Variants in MYH3 observed in about 807,000 individuals in gnomAD.
MYH3 encodes the protein myosin-3.
In MYH3, 130 loss-of-function variants were observed where a neutral mutation model predicts 238.0. The ratio of observed to expected loss-of-function variants is 0.55; its 90% CI spans 0.47 to 0.63. MYH3 has a LOEUF of 0.63. Among genes scored for constraint, MYH3 ranks in the 30% least tolerant of loss-of-function variants. The pLI, the probability that MYH3 is intolerant of heterozygous loss-of-function variation, is 0.00. For missense variants in MYH3, 1,853 were observed against 2,374.9 expected, an observed-to-expected ratio of 0.78 and a Z score of 4.57; for synonymous variants, 880 against 924.1, an observed-to-expected ratio of 0.95 and a Z score of 0.86.
At chr17:10,629,398 A>C (rs974639492) in intron 40 of MYH3, among the ~76,000 whole-genome samples, 199 bp downstream of exon 40, 4 of 151,862 alleles carry the variant, frequency 2.6e-5, no homozygotes, top group Non-Finnish European at 4.4e-5. Context: ...CATGGTGTAC[A>C]TGTGCAGGAT....
chr17:10,641,760 C>T (rs914135003), intron 17 of MYH3, among the ~76,000 whole-genome samples: 1 of 152,094 alleles, frequency 6.6e-6, no homozygotes, highest in African/African-American at 2.4e-5. Flanking sequence ...GTGATCTGCC[C>T]ACCTCGGCCT....
Position 10,629,617 on chromosome 17 carries a change from G to C in MYH3, c.5776C>G (p.Arg1926Gly), listed in dbSNP as rs1449422340. The C allele has an allele frequency of 6.2e-7, 1 of 1,613,702 alleles. No homozygotes were observed. The highest frequency in any genetic ancestry group is 8.5e-7 in the Non-Finnish European group (1 of 1,180,050). The change falls in exon 40 of 41, where the codon CGA becomes GGA. Residue 1926 changes from arginine to glycine, a missense_variant. By Grantham distance (125) the Arg-to-Gly change is moderately radical (BLOSUM62 -2). Coordinates refer to ENST00000583535, the MANE Select transcript of MYH3 (RefSeq NM_002470.4). ...SQVNKLRAKT[R>G]DFTSSRMVVH... ...CTCACCCTGCTGGAGGTGAAGTCTC[G>C]AGTCTTAGCGCGGAGCTTGTTGACT... is the stretch of plus-strand genomic sequence containing the variant.
chr17:10,653,623 G>A (rs769967678), intron 3 of MYH3, among the ~76,000 whole-genome samples: 2 of 152,192 alleles, frequency 1.3e-5, no homozygotes, highest in African/African-American at 2.4e-5. Flanking sequence ...CTCAGGCACA[G>A]GGGGTGGGGA....
intron 40 of MYH3, 135 bp from the exon 41 acceptor site, chr17:10,628,814 C>A: frequency 1.1e-6 from 1 of 925,582 alleles, no homozygotes; most frequent in Non-Finnish European, 1.8e-6. Flanking sequence ...CTTGGGAAAA[C>A]GCACGATTGC....
Position 10,650,089 on chromosome 17 carries a change from A to T in MYH3, c.533+285T>A, listed in dbSNP as rs371981590. Among the ~76,000 whole-genome samples the T allele has an allele frequency of 1.7e-4, 26 of 152,086 alleles. 1 individual carries two copies. In the East Asian group the frequency reaches 2.9e-3, roughly 17 times the overall value. On this transcript the variant is annotated intron_variant, in intron 6 of 40. Transcript: ENST00000583535. ...TGGGTTCACGCCATTCTCCTGCCTC[A>T]GCCTCCTGAGTAGCTGTGACTACAG...
upstream of MYH3, among the ~76,000 whole-genome samples, chr17:10,661,656 C>T (rs1004595527): frequency 6.6e-6 from 1 of 152,146 alleles, no homozygotes; most frequent in Non-Finnish European, 1.5e-5. Flanking sequence ...CACTTCCTGC[C>T]CAGCTATTTT....
At chr17:10,674,445 A>G in the MYH3 span, 1 of 287,908 alleles carries the variant, frequency 3.5e-6, no homozygotes, top group Non-Finnish European at 6.8e-6. Flanking sequence ...CAAACAAACA[A>G]ACAAAAAAAC....
chr17:10,641,443 G>T, intron 17 of MYH3, 71 bp from the exon 18 acceptor site: 2 of 1,077,286 alleles, frequency 1.9e-6, no homozygotes, highest in South Asian at 2.5e-5. Context: ...CCATTGTAAT[G>T]AAATAAGATC....
Position 10,647,371 on chromosome 17 carries a change from A to G in MYH3, c.791T>C (p.Ile264Thr), listed in dbSNP as rs763347751. 58 of 1,614,144 alleles carry G rather than the reference A, an allele frequency of 3.6e-5. No homozygotes were observed. The highest frequency in any genetic ancestry group is 3.3e-4 in the East Asian group (15 of 44,900). ...CCCATGGATCTACTTACAAGTTTCAATATCTGCAGAGGCCAGCTTCCCAGT... is the reference window on the plus strand; with the variant it reads ...CCCATGGATCTACTTACAAGTTTCAGTATCTGCAGAGGCCAGCTTCCCAGT... ...GTTGKLASAD[I>T]ETYLLEKSRV... Residue 264 changes from isoleucine to threonine, a missense_variant, in exon 9 of 41, where the codon ATT (isoleucine) becomes ACT (threonine). Ile to Thr is a moderately conservative substitution (Grantham distance 89). Transcript: ENST00000583535.
chr17:10,663,366 GA>G, the MYH3 span, among the ~76,000 whole-genome samples: 1 of 152,194 alleles, frequency 6.6e-6, no homozygotes, highest in Non-Finnish European at 1.5e-5. Flanking sequence ...ATGTCTCGCG[GA>G]ACAAGGTGGC....
rs752400870 is a variant in MYH3 at position 10,654,995 on chromosome 17, T to C, written c.70A>G (p.Arg24Gly). The change falls in exon 3 of 41, where the codon AGG becomes GGG. Residue 24 changes from arginine to glycine, a missense_variant. This residue lies in a region of MYH3 where 131 missense variants were observed against 123.5 expected (regional missense o/e 1.06). Coordinates refer to ENST00000583535, the MANE Select transcript of MYH3 (RefSeq NM_002470.4). The surrounding 1 kb of genome is among the most constrained non-coding windows in gnomAD (Gnocchi z 4.5). ...AAGGGCTGGTTCTGAGCCTCGATCC[T>C]CTCCTTTTCTGACTTCCGGAGGAAA... is the stretch of plus-strand genomic sequence containing the variant. ...APFLRKSEKE[R>G]IEAQNQPFDA... 2 of 1,614,032 alleles carry C rather than the reference T, an allele frequency of 1.2e-6. No individual in the cohort carries two copies. The highest frequency in any genetic ancestry group is 2.2e-5 in the East Asian group (1 of 44,894).
intron 4 of MYH3, chr17:10,652,017 G>C (rs555354531): frequency 1.0e-5 from 4 of 385,622 alleles, no homozygotes; most frequent in South Asian, 2.3e-5. Context: ...CTGGGATTAC[G>C]GGCGTGAGCC....
At chr17:10,631,775 G>C (rs768698291) in intron 35 of MYH3, 38 bp downstream of exon 35, 1 of 1,614,134 alleles carries the variant, frequency 6.2e-7, no homozygotes, top group Admixed American at 1.7e-5. Flanking sequence ...GTGCGTATGA[G>C]GCTGGAACCT....
rs2074376316 is a variant in MYH3, at chr17:10,651,686, T to C, written c.349-18A>G. 2 of 1,612,326 alleles carry C rather than the reference T, an allele frequency of 1.2e-6. No homozygotes were observed. The highest frequency in any genetic ancestry group is 1.7e-5 in the Admixed American group (1 of 59,958). On this transcript the variant is annotated intron_variant, in intron 4 of 40. Transcript: ENST00000583535. ...GAGTAGGTCTGTGGGAGGAAAAACA[T>C]ATACGTGCGTATATGTATGTATGTG...
At chr17:10,630,218 T>C in intron 37 of MYH3, 22 bp from the exon 38 acceptor site, 1 of 1,614,040 alleles carries the variant, frequency 6.2e-7, no homozygotes, top group Non-Finnish European at 8.5e-7. Flanking sequence ...GGTGGGGAAA[T>C]TAGTCTGGGG....
Position 10,654,804 on chromosome 17 carries a change from G to A in MYH3, c.204+57C>T. 1 of 1,549,696 alleles carries A rather than the reference G, an allele frequency of 6.5e-7. No homozygotes were observed. The highest frequency in any genetic ancestry group is 8.9e-7 in the Non-Finnish European group (1 of 1,121,368). ...TGGGGTTGGGCAGATGCATACCCCA[G>A]GCAAGCACAAGGACCAGGTGGAGGG... On this transcript the variant is annotated intron_variant, in intron 3 of 40. Coordinates refer to ENST00000583535, the MANE Select transcript of MYH3 (RefSeq NM_002470.4). This position sits in a 1 kb window ranked among gnomAD's most constrained non-coding sequence, Gnocchi z 4.5.
chr17:10,647,839 A>G (rs541812704), intron 8 of MYH3, among the ~76,000 whole-genome samples: 1 of 152,150 alleles, frequency 6.6e-6, no homozygotes, highest in African/African-American at 2.4e-5. Flanking sequence ...CACCGTGCCC[A>G]GCACCCCCTA....
At chr17:10,638,501 G>T in intron 26 of MYH3, 69 bp from the exon 27 acceptor site, 1 of 1,588,598 alleles carries the variant, frequency 6.3e-7, no homozygotes. Flanking sequence ...CCAAGAACAG[G>T]CTGGTTTCCC....
Position 10,635,826 on chromosome 17 carries a change from T to A in MYH3, c.3884A>T (p.Lys1295Ile), listed in dbSNP as rs774676550. The A allele has an allele frequency of 1.4e-5, 22 of 1,614,054 alleles. No homozygotes were observed. Among genetic ancestry groups the A allele is most frequent in the Non-Finnish European group, 1.4e-5 (17 of 1,180,032 alleles). ...AGELSRQLEE[K>I]ESIVSQLSRS... ...GGAAAGTTGGGATACTATGCTTTCT[T>A]TTTCTTCCAGCTGACGACTCAGCTC... The change falls in exon 29 of 41, where the codon AAA (lysine) becomes ATA (isoleucine). Residue 1295 changes from lysine (K) to isoleucine (I), a missense_variant. Around this residue, in one of 3 missense-constraint regions of MYH3, gnomAD observed 1,044 missense variants for 1,192.6 expected, o/e 0.88. Coordinates refer to ENST00000583535, the MANE Select transcript of MYH3 (RefSeq NM_002470.4).
Sources: allele counts gnomAD v4.1 joint callset (sites outside exome capture counted in the v4.1 genomes callset), GRCh38; gene constraint gnomAD v4.1.1; regional missense constraint gnomAD v4.1.1; non-coding constraint Gnocchi (gnomAD v3.1); transcripts MANE v1.5; gene names NCBI Gene and HGNC (gene_info 2026-07-23, HGNC 2026-07-21).